The following HECTD2 variants were observed in gnomAD, a reference collection of about 807,000 sequenced individuals.
The protein encoded by HECTD2 is probable E3 ubiquitin-protein ligase HECTD2.
Under a neutral mutation model 103.2 loss-of-function variants are expected in HECTD2, and 35 were observed. The ratio of observed to expected loss-of-function variants is 0.34; its 90% CI spans 0.26 to 0.45. The LOEUF (loss-of-function observed/expected upper bound fraction) is 0.45, where lower values mean the gene tolerates loss of function less well. Among genes scored for constraint, HECTD2 ranks in the 20% least tolerant of loss-of-function variants. The pLI is 1.00. For synonymous variants in HECTD2, 281 were observed against 329.9 expected (o/e 0.85, Z 1.61); for missense variants, 596 against 937.4 (o/e 0.64, Z 4.76).
chr10:91,417,768 T>G (rs113899704), intron 1 of HECTD2, among the ~76,000 whole-genome samples: 2,326 of 152,190 alleles, frequency 0.015, 57 homozygotes, highest in African/African-American at 0.053. Context: ...TCTATCATTG[T>G]TGGACATTTG....
At chr10:91,506,669 A>G (rs1347895314) in intron 20 of HECTD2, among the ~76,000 whole-genome samples, 1 of 151,978 alleles carries the variant, frequency 6.6e-6, no homozygotes, top group Admixed American at 6.5e-5. Context: ...GACCAGATGG[A>G]TTCACAGCCG....
intron 2 of HECTD2, among the ~76,000 whole-genome samples, chr10:91,437,029 A>G (rs188829872): frequency 1.8e-4 from 27 of 152,144 alleles, no homozygotes; most frequent in African/African-American, 6.5e-4. Context: ...TGTTTCTTTA[A>G]CAGATAAGGA....
At chr10:91,506,803 C>T (rs929087664) in intron 20 of HECTD2, among the ~76,000 whole-genome samples, 13 of 151,754 alleles carry the variant, frequency 8.6e-5, no homozygotes, top group African/African-American at 2.4e-4. Flanking sequence ...ATACCAAAGC[C>T]GGGCAGAGAC....
chr10:91,418,506 T>C (rs1372878144), intron 1 of HECTD2, among the ~76,000 whole-genome samples: 2 of 152,200 alleles, frequency 1.3e-5, no homozygotes, highest in Admixed American at 1.3e-4. Context: ...TTTAAAGATA[T>C]GATTTATATA....
At chr10:91,496,393 A>T (rs1846665102) in intron 15 of HECTD2, 21 bp downstream of exon 15, 1 of 1,561,856 alleles carries the variant, frequency 6.4e-7, no homozygotes, top group African/African-American at 1.4e-5. Context: ...AGTTATTAAT[A>T]TCTTGTCCTT....
chr10:91,445,037 A>G (rs1844540606), intron 2 of HECTD2, among the ~76,000 whole-genome samples: 1 of 152,194 alleles, frequency 6.6e-6, no homozygotes, highest in South Asian at 2.1e-4. Context: ...TTGGCAGTAT[A>G]TTCAAAAATG....
chr10:91,471,057 T>G lies in HECTD2; in HGVS notation c.601-7144T>G, dbSNP rs138606572. On this transcript the variant is annotated intron_variant, in intron 5 of 20. Transcript: ENST00000298068. Reference sequence around the variant, plus strand: ...TCAGGCCAATATTCCTGATGAAAATTGATGCAAAAACCCCTGCAAAATACT... The same window carrying G: ...TCAGGCCAATATTCCTGATGAAAATGGATGCAAAAACCCCTGCAAAATACT... 3.4e-3 allele frequency among the ~76,000 whole-genome samples: 519 copies of G among 152,026 alleles called. 2 individuals are homozygous for G. The highest frequency in any genetic ancestry group is 7.1e-3 in the South Asian group (34 of 4,810).
intron 13 of HECTD2, among the ~76,000 whole-genome samples, chr10:91,492,696 A>G (rs1846525123): frequency 6.6e-6 from 1 of 152,210 alleles, no homozygotes; most frequent in South Asian, 2.1e-4. Flanking sequence ...TCCTACACAA[A>G]ATGTATCAAG....
intron 1 of HECTD2, among the ~76,000 whole-genome samples, chr10:91,411,052 C>T (rs1225618708): frequency 1.3e-5 from 2 of 152,152 alleles, no homozygotes; most frequent in Admixed American, 6.5e-5. Context: ...CGAGTTTCCA[C>T]TTAATTGTGA....
chr10:91,432,645 T>C (rs1015639562), intron 2 of HECTD2, among the ~76,000 whole-genome samples: 2 of 148,552 alleles, frequency 1.3e-5, no homozygotes, highest in Non-Finnish European at 2.9e-5. Flanking sequence ...TTAAAAGAAA[T>C]GAAGCAATTC....
Position 91,505,095 on chromosome 10 carries a change from C to A in HECTD2, c.2210+3761C>A, listed in dbSNP as rs899188917. On this transcript the variant is annotated intron_variant, in intron 20 of 20. Coordinates refer to ENST00000298068, the MANE Select transcript of HECTD2 (RefSeq NM_182765.6). Reference sequence around the variant, plus strand: ...GCTGAGAGATTTTGTCACCACCAGGCCTGCCCTAAAAGAGCTCCTGAAGGA... The same window carrying A: ...GCTGAGAGATTTTGTCACCACCAGGACTGCCCTAAAAGAGCTCCTGAAGGA... 4.7e-5 allele frequency among the ~76,000 whole-genome samples: 7 copies of A among 149,850 alleles called. No individual in the cohort carries two copies. In the South Asian group the frequency reaches 1.1e-3, roughly 23 times the overall value.
Position 91,484,669 on chromosome 10 carries a change from A to T in HECTD2, c.970+14A>T. 6.4e-7 allele frequency: 1 copy of T among 1,571,934 alleles called. No individual in the cohort carries two copies. Among genetic ancestry groups the T allele is most frequent in the Non-Finnish European group, 8.6e-7 (1 of 1,162,690 alleles). On this transcript the variant is annotated intron_variant, in intron 9 of 20. Coordinates refer to ENST00000298068, the MANE Select transcript of HECTD2 (RefSeq NM_182765.6). ...TGGCTTTACTTAGTAGGTTTTTATT[A>T]TTCTATCATTTTTTACTTTTCTTTT...
chr10:91,489,425 T>C (rs1846385584), intron 11 of HECTD2: 1 of 152,182 alleles, frequency 6.6e-6, no homozygotes, highest in South Asian at 2.1e-4. Flanking sequence ...ATATACAAAA[T>C]TGGTTTCCTA....
At chr10:91,495,477 G>A (rs1246785707) in intron 14 of HECTD2, among the ~76,000 whole-genome samples, 1 of 151,910 alleles carries the variant, frequency 6.6e-6, no homozygotes, top group East Asian at 1.9e-4. Flanking sequence ...ATTTCCTTAT[G>A]ATCCTATAAA....
chr10:91,500,547 G>C lies in HECTD2; in HGVS notation c.1996G>C (p.Asp666His). The change falls in exon 19 of 21, where the codon GAC (aspartate) becomes CAC (histidine). Residue 666 changes from aspartate (D) to histidine (H), a missense_variant. Asp to His is a moderately conservative substitution (Grantham distance 81). Coordinates refer to ENST00000298068, the MANE Select transcript of HECTD2 (RefSeq NM_182765.6). ...TGAAATTTTGGTCTGTGGAAGTCCT[G>C]ACCTGGATATGCATGCTCTGCAGAG... ...EVEILVCGSPDLDMHALQRST... is the reference protein window; with the variant it reads ...EVEILVCGSPHLDMHALQRST... 2.5e-6 allele frequency: 4 copies of C among 1,612,514 alleles called. No homozygotes were observed. Among genetic ancestry groups the C allele is most frequent in the Non-Finnish European group, 3.4e-6 (4 of 1,178,570 alleles).
Position 91,501,329 on chromosome 10 carries a change from T to G in HECTD2, c.2205T>G (p.Thr735=), listed in dbSNP as rs944269984. 4 of 1,582,916 alleles carry G rather than the reference T, an allele frequency of 2.5e-6. No homozygotes were observed. Among genetic ancestry groups the G allele is most frequent in the Non-Finnish European group, 3.4e-6 (4 of 1,164,152 alleles). ...NFKISKNETS[T]NCLPVAHTCF... is the part of the protein sequence containing the mutation. The stretch of plus-strand genomic sequence containing the variant: ...AAATCTCAAAGAATGAAACTTCTAC[T>G]AACTGGTAAATTTCTGGATCTAATT... Residue 735 remains threonine (T), a synonymous_variant, in exon 20 of 21, where the codon ACT becomes ACG. Coordinates refer to ENST00000298068, the MANE Select transcript of HECTD2 (RefSeq NM_182765.6).
At chr10:91,439,787 A>T (rs937303170) in intron 2 of HECTD2, among the ~76,000 whole-genome samples, 2 of 152,206 alleles carry the variant, frequency 1.3e-5, no homozygotes, top group Admixed American at 6.5e-5. Flanking sequence ...CTCCTTGAAG[A>T]GGTCCTTCAC....
At chr10:91,508,651 T>C (rs1229886612) in intron 20 of HECTD2, among the ~76,000 whole-genome samples, 1 of 147,948 alleles carries the variant, frequency 6.8e-6, no homozygotes, top group Admixed American at 6.6e-5. Context: ...TGTGGAGAAA[T>C]AGGAACACTT....
chr10:91,440,507 A>T (rs754169828), intron 2 of HECTD2, among the ~76,000 whole-genome samples: 1 of 151,568 alleles, frequency 6.6e-6, no homozygotes, highest in Non-Finnish European at 1.5e-5. Flanking sequence ...TTTCATATCC[A>T]TGTTCATCAG....
Sources: gnomAD v4.1 joint callset for allele counts (sites outside exome capture counted in the v4.1 genomes callset) on GRCh38, gnomAD v4.1.1 for gene constraint, MANE v1.5 for transcripts, NCBI Gene and HGNC (gene_info 2026-07-23, HGNC 2026-07-21) for gene names.